The following DCC variants were observed in gnomAD, a reference collection of about 807,000 sequenced individuals.
The protein encoded by DCC is netrin receptor DCC.
DCC carries 58 observed loss-of-function variants against 172.5 expected under a neutral mutation model. The ratio of observed to expected loss-of-function variants is 0.34; its 90% CI spans 0.27 to 0.42. The LOEUF is 0.42. Among genes scored for constraint, DCC ranks in the 10% least tolerant of loss-of-function variants. The probability of loss-of-function intolerance (pLI) is 1.00; values close to 1 mark genes in which losing one functional copy is unlikely to be tolerated. For synonymous variants in DCC, 709 were observed against 644.5 expected (o/e 1.10, Z -1.52); for missense variants, 1,740 against 1,791.0 (o/e 0.97, Z 0.51).
intron 21 of DCC, among the ~76,000 whole-genome samples, chr18:53,431,277 G>GT (rs1568128518): frequency 1.3e-4 from 17 of 129,424 alleles, no homozygotes; most frequent in Non-Finnish European, 1.8e-4. Flanking sequence ...TTTGGCAGAA[G>GT]CTTTTTTTTT....
chr18:53,226,948 A>ATATATATATATATATGTTTTTTTTTTTTT, intron 12 of DCC, among the ~76,000 whole-genome samples: 1 of 52,950 alleles, frequency 1.9e-5, no homozygotes, highest in Non-Finnish European at 4.0e-5. Flanking sequence ...ATATATATAT[A>ATATATATATATATATGTTTTTTTTTTTTT]TTTTTTTTTT....
At chr18:52,605,928 A>C (rs985527661) in intron 1 of DCC, among the ~76,000 whole-genome samples, 7 of 152,122 alleles carry the variant, frequency 4.6e-5, no homozygotes, top group African/African-American at 1.7e-4. Context: ...GTATCAATTA[A>C]GTAAATTAAA....
At chr18:52,927,531 G>A (rs372736442) in intron 5 of DCC, among the ~76,000 whole-genome samples, 10 of 151,958 alleles carry the variant, frequency 6.6e-5, no homozygotes, top group African/African-American at 2.4e-4. Flanking sequence ...GTTTGGTAGT[G>A]GTATGACACT....
intron 1 of DCC, among the ~76,000 whole-genome samples, chr18:52,546,154 G>A (rs1335954927): frequency 6.6e-6 from 1 of 150,830 alleles, no homozygotes. Context: ...GGGTGTACGT[G>A]CACACACACA....
intron 1 of DCC, among the ~76,000 whole-genome samples, chr18:52,638,306 C>A (rs148273607): frequency 0.16 from 24,226 of 151,804 alleles, 2,050 homozygotes; most frequent in Admixed American, 0.23. Flanking sequence ...ACACAGGCAA[C>A]AAAGAGCATG....
rs529219008 is a variant in DCC, at chr18:52,516,341, T to C, written c.91+175463T>C. On this transcript the variant is annotated intron_variant, in intron 1 of 28. Coordinates refer to ENST00000442544, the MANE Select transcript of DCC (RefSeq NM_005215.4). ...AAATCTTTAAATAGGCTATGTGTTGTTCAGCAGGTAAGCGGTTAAGCAAAT... is the reference window on the plus strand; with the variant it reads ...AAATCTTTAAATAGGCTATGTGTTGCTCAGCAGGTAAGCGGTTAAGCAAAT... Among the ~76,000 whole-genome samples, 14 of 152,356 alleles carry C rather than the reference T, an allele frequency of 9.2e-5. 1 individual carries two copies. In the South Asian group the frequency reaches 2.5e-3, roughly 27 times the overall value.
chr18:52,361,255 CAGA>C (rs1203788764), intron 1 of DCC, among the ~76,000 whole-genome samples: 1 of 152,192 alleles, frequency 6.6e-6, no homozygotes, highest in East Asian at 1.9e-4. Context: ...CCCATCACTT[CAGA>C]ATAAACCACA....
At chr18:52,642,276 A>T (rs2034922674) in intron 1 of DCC, among the ~76,000 whole-genome samples, 2 of 151,898 alleles carry the variant, frequency 1.3e-5, no homozygotes, top group South Asian at 4.2e-4. Flanking sequence ...GGCTGTGAGG[A>T]TGCAAAGGCA....
intron 1 of DCC, among the ~76,000 whole-genome samples, chr18:52,733,713 C>G (rs758294971): frequency 5.3e-5 from 8 of 152,052 alleles, no homozygotes; most frequent in African/African-American, 9.7e-5. Context: ...CTAGGGTGGT[C>G]TCAAACTCCT....
At chr18:53,340,541 T>C (rs576179522) in intron 15 of DCC, among the ~76,000 whole-genome samples, 2 of 152,250 alleles carry the variant, frequency 1.3e-5, no homozygotes, top group African/African-American at 4.8e-5. Context: ...CTCAACCTCA[T>C]TTTTTACTGA....
intron 1 of DCC, among the ~76,000 whole-genome samples, chr18:52,511,841 G>A (rs904095156): frequency 3.3e-5 from 5 of 152,102 alleles, no homozygotes; most frequent in African/African-American, 1.2e-4. Flanking sequence ...TTCATTTTCA[G>A]GACTGGCTTT....
intron 2 of DCC, chr18:52,817,998 T>A (rs1464890911): frequency 3.2e-4 from 48 of 152,164 alleles, no homozygotes; most frequent in Non-Finnish European, 1.0e-4. Context: ...TACATGTCAT[T>A]GTTTTGAAGA....
chr18:52,731,177 G>A (rs1473619174), intron 1 of DCC, among the ~76,000 whole-genome samples: 4 of 152,156 alleles, frequency 2.6e-5, no homozygotes, highest in African/African-American at 9.7e-5. Context: ...TGATTGAAGC[G>A]CTTTGCTTGT....
At chr18:52,974,758 T>A (rs2041089541) in intron 5 of DCC, among the ~76,000 whole-genome samples, 1 of 152,220 alleles carries the variant, frequency 6.6e-6, no homozygotes. Flanking sequence ...CAAGAGATGA[T>A]GACTGCAGTG....
chr18:52,616,312 C>T (rs748152442), intron 1 of DCC, among the ~76,000 whole-genome samples: 6 of 151,802 alleles, frequency 4.0e-5, no homozygotes, highest in African/African-American at 7.3e-5. Flanking sequence ...ATGAGATCTC[C>T]GTTTTGGTTA....
chr18:52,508,222 C>G (rs1009763296), intron 1 of DCC, among the ~76,000 whole-genome samples: 6 of 152,108 alleles, frequency 3.9e-5, no homozygotes, highest in African/African-American at 1.4e-4. Context: ...CTGCTTAGGG[C>G]AGTATTTCAC....
intron 7 of DCC, among the ~76,000 whole-genome samples, chr18:53,146,379 G>T (rs2043915291): frequency 6.6e-6 from 1 of 152,226 alleles, no homozygotes. Context: ...ATGGCACCTT[G>T]TGGCTGCATC....
intron 18 of DCC, among the ~76,000 whole-genome samples, chr18:53,401,187 CA>C (rs1327920576): frequency 6.6e-6 from 1 of 152,068 alleles, no homozygotes; most frequent in Admixed American, 6.5e-5. Flanking sequence ...CCATATATAT[CA>C]TATTATATTA....
At chr18:52,474,141 G>T (rs1402679598) in intron 1 of DCC, among the ~76,000 whole-genome samples, 9 of 151,004 alleles carry the variant, frequency 6.0e-5, no homozygotes, top group South Asian at 4.2e-4. Context: ...CCTTCCTTAA[G>T]CTACATTAAC....
Sources: allele counts gnomAD v4.1 joint callset (sites outside exome capture counted in the v4.1 genomes callset), GRCh38; gene constraint gnomAD v4.1.1; transcripts MANE v1.5; gene names NCBI Gene and HGNC (gene_info 2026-07-23, HGNC 2026-07-21).